SLC14A2: variants seen among roughly 807,000 people sequenced by gnomAD.
The protein encoded by SLC14A2 is urea transporter 2.
Under a neutral mutation model 104.6 loss-of-function variants are expected in SLC14A2, and 91 were observed. The ratio of observed to expected loss-of-function variants is 0.87; its 90% CI spans 0.73 to 1.04. SLC14A2 has a LOEUF of 1.04. Among genes scored for constraint, SLC14A2 ranks in the 50% least tolerant of loss-of-function variants. The pLI is 0.00. For missense variants in SLC14A2, 1,189 were observed against 1,156.0 expected (o/e 1.03, Z -0.41); for synonymous variants, 476 against 466.4 (o/e 1.02, Z -0.27).
At chr18:45,332,507 A>G (rs1304573131) in intron 1 of SLC14A2, among the ~76,000 whole-genome samples, 3 of 152,212 alleles carry the variant, frequency 2.0e-5, no homozygotes, top group Non-Finnish European at 4.4e-5. Context: ...TCTCCCACAA[A>G]TACTAAGGAA....
At chr18:45,273,891 A>G (rs2084676070) in intron 1 of SLC14A2, among the ~76,000 whole-genome samples, 1 of 152,180 alleles carries the variant, frequency 6.6e-6, no homozygotes, top group African/African-American at 2.4e-5. Context: ...GGTGAAGAAA[A>G]TTTAGATCAA....
At chr18:45,579,478 TTAAGTGGC>T (rs1165460527) in intron 2 of SLC14A2, among the ~76,000 whole-genome samples, 1 of 152,238 alleles carries the variant, frequency 6.6e-6, no homozygotes. Flanking sequence ...TTTTCCCTGT[TTAAGTGGC>T]TTTATAGGCT....
chr18:45,677,698 G>T (rs2046249943), intron 18 of SLC14A2, among the ~76,000 whole-genome samples: 1 of 152,224 alleles, frequency 6.6e-6, no homozygotes, highest in South Asian at 2.1e-4. Context: ...ACAAAGGACG[G>T]CATGGGCTCC....
At chr18:45,387,926 G>T (rs2085916019) in intron 1 of SLC14A2, among the ~76,000 whole-genome samples, 1 of 152,048 alleles carries the variant, frequency 6.6e-6, no homozygotes, top group Non-Finnish European at 1.5e-5. Flanking sequence ...CTCTCATGAG[G>T]TCAGGTTATG....
intron 1 of SLC14A2, among the ~76,000 whole-genome samples, chr18:45,280,153 G>A (rs2084747126): frequency 6.6e-6 from 1 of 152,154 alleles, no homozygotes; most frequent in Non-Finnish European, 1.5e-5. Flanking sequence ...CCTTGTTCCA[G>A]AGCACACAAC....
At chr18:45,470,554 G>T (rs2087228811) in intron 1 of SLC14A2, among the ~76,000 whole-genome samples, 1 of 151,868 alleles carries the variant, frequency 6.6e-6, no homozygotes, top group Admixed American at 6.6e-5. Context: ...TTTTAATTTG[G>T]TTTGTGTGTA....
At chr18:45,576,965 T>C (rs2044426333) in intron 2 of SLC14A2, among the ~76,000 whole-genome samples, 1 of 152,118 alleles carries the variant, frequency 6.6e-6, no homozygotes, top group South Asian at 2.1e-4. Flanking sequence ...ATTGTCTAGT[T>C]TGAATAATTT....
intron 16 of SLC14A2, 28 bp downstream of exon 16, chr18:45,669,526 G>A (rs1312881765): frequency 6.3e-7 from 1 of 1,585,678 alleles, no homozygotes. Flanking sequence ...AGGAAGGGCA[G>A]GTCTGTCCAC....
At chr18:45,612,884 A>G (rs1314831537), upstream of SLC14A2, among the ~76,000 whole-genome samples, 8 of 151,044 alleles carry the variant, frequency 5.3e-5, no homozygotes, top group Non-Finnish European at 1.2e-4. Context: ...CTTCTCACAC[A>G]CTCTCTCTCT....
chr18:45,553,369 C>G (rs747298159), intron 2 of SLC14A2, among the ~76,000 whole-genome samples: 1 of 152,200 alleles, frequency 6.6e-6, no homozygotes, highest in Non-Finnish European at 1.5e-5. Flanking sequence ...TTCCCTTGAC[C>G]AGCCTAAGCC....
At chr18:45,245,670 T>C (rs2144061682) in intron 1 of SLC14A2, among the ~76,000 whole-genome samples, 1 of 150,850 alleles carries the variant, frequency 6.6e-6, no homozygotes, top group East Asian at 2.0e-4. Context: ...GAAGGTGTTT[T>C]CAGTAAGTGC....
intron 2 of SLC14A2, among the ~76,000 whole-genome samples, chr18:45,573,087 T>C (rs573958064): frequency 1.3e-5 from 2 of 152,104 alleles, no homozygotes; most frequent in African/African-American, 4.8e-5. Context: ...TTTAATAACA[T>C]AGCCAGAGCC....
chr18:45,654,845 G>T (rs772734434), intron 10 of SLC14A2, among the ~76,000 whole-genome samples: 1 of 152,106 alleles, frequency 6.6e-6, no homozygotes, highest in African/African-American at 2.4e-5. Context: ...GAGCCTTCTC[G>T]TTATTTGTCA....
At chr18:45,568,872 G>A (rs1288426382) in intron 2 of SLC14A2, among the ~76,000 whole-genome samples, 1 of 152,182 alleles carries the variant, frequency 6.6e-6, no homozygotes, top group East Asian at 1.9e-4. Flanking sequence ...AATAAAACAA[G>A]AGTAATACAG....
rs569394775 is a variant in SLC14A2 at position 45,671,246 on chromosome 18, G to C, written c.2230-1654G>C. Among the ~76,000 whole-genome samples, 168 of 152,144 alleles carry C rather than the reference G, an allele frequency of 1.1e-3. 1 individual carries two copies. Among genetic ancestry groups the C allele is most frequent in the African/African-American group, 3.9e-3 (163 of 41,506 alleles). ...GAAATGGAAAAAAATGAATAATCCT[G>C]TACAAACACTTGAGACCCACCACCA... On this transcript the variant is annotated intron_variant, in intron 16 of 19. Transcript: ENST00000255226.
intron 2 of SLC14A2, among the ~76,000 whole-genome samples, chr18:45,593,278 C>T (rs1343232497): frequency 6.6e-6 from 1 of 150,992 alleles, no homozygotes; most frequent in Non-Finnish European, 1.5e-5. Context: ...GATCGCTCCA[C>T]GGCACCCCAG....
chr18:45,263,599 C>A (rs978303041), intron 1 of SLC14A2, among the ~76,000 whole-genome samples: 1 of 152,140 alleles, frequency 6.6e-6, no homozygotes, highest in Non-Finnish European at 1.5e-5. Flanking sequence ...TTATTTCCCT[C>A]ATTTTTCTAC....
At chr18:45,405,089 A>G (rs1344479043) in intron 1 of SLC14A2, among the ~76,000 whole-genome samples, 2 of 152,170 alleles carry the variant, frequency 1.3e-5, no homozygotes, top group South Asian at 2.1e-4. Flanking sequence ...TTGCAACTCC[A>G]TGGTAACGTG....
intron 1 of SLC14A2, among the ~76,000 whole-genome samples, chr18:45,304,180 A>G (rs1475098107): frequency 6.6e-6 from 1 of 152,238 alleles, no homozygotes; most frequent in African/African-American, 2.4e-5. Flanking sequence ...TTCCTCACAA[A>G]CACATAGCAA....
Sources: allele counts gnomAD v4.1 joint callset (sites outside exome capture counted in the v4.1 genomes callset), GRCh38; gene constraint gnomAD v4.1.1; transcripts MANE v1.5; gene names NCBI Gene and HGNC (gene_info 2026-07-23, HGNC 2026-07-21).